The following TMEM132D variants were observed in gnomAD, a reference collection of about 807,000 sequenced individuals.
TMEM132D encodes the protein mature OL transmembrane protein.
A neutral mutation model predicts 62.3 loss-of-function variants in TMEM132D; 21 were observed. That is an observed-to-expected ratio of 0.34 (90% CI 0.24 to 0.49). TMEM132D has a LOEUF of 0.49. Ranked by LOEUF, TMEM132D falls within the 20% of genes least tolerant of loss-of-function variation. TMEM132D has a pLI of 0.99. For missense variants in TMEM132D, 1,346 were observed against 1,402.8 expected (o/e 0.96, Z 0.65); for synonymous variants, 621 against 575.6 (o/e 1.08, Z -1.13).
chr12:129,564,139 T>C (rs918965708), intron 2 of TMEM132D, among the ~76,000 whole-genome samples: 1 of 152,154 alleles, frequency 6.6e-6, no homozygotes, highest in African/African-American at 2.4e-5. Context: ...GCCTAGGTAA[T>C]CACTAAATCT....
chr12:129,437,084 C>T (rs1872806462), intron 3 of TMEM132D, among the ~76,000 whole-genome samples: 1 of 152,088 alleles, frequency 6.6e-6, no homozygotes, highest in Admixed American at 6.6e-5. Context: ...TAGCCAGAGT[C>T]CACATTTCCC....
intron 2 of TMEM132D, among the ~76,000 whole-genome samples, chr12:129,554,866 G>A (rs1043392994): frequency 1.3e-5 from 2 of 152,062 alleles, no homozygotes; most frequent in African/African-American, 4.8e-5. Flanking sequence ...TCCTTCATCA[G>A]GCCACAAAAT....
At chr12:129,251,357 CAAAAAAAAAAAAAA>C (rs59666716) in intron 4 of TMEM132D, among the ~76,000 whole-genome samples, 1 of 79,782 alleles carries the variant, frequency 1.3e-5, no homozygotes, top group Non-Finnish European at 2.3e-5. Flanking sequence ...GACACTGTCT[CAAAAAAAAAAAAAA>C]AAAAAAAAAA....
intron 5 of TMEM132D, among the ~76,000 whole-genome samples, chr12:129,149,010 G>C (rs1228872210): frequency 6.6e-6 from 1 of 152,102 alleles, no homozygotes; most frequent in East Asian, 1.9e-4. Flanking sequence ...AATGAAAAAT[G>C]CTGCCCCTCA....
chr12:129,726,596 C>T (rs536303458), intron 1 of TMEM132D, among the ~76,000 whole-genome samples: 1 of 152,132 alleles, frequency 6.6e-6, no homozygotes, highest in African/African-American at 2.4e-5. Flanking sequence ...GATTATAGAG[C>T]CAGAGAGTGA....
intron 3 of TMEM132D, among the ~76,000 whole-genome samples, chr12:129,370,987 CAATA>C (rs1303477785): frequency 6.6e-6 from 1 of 151,910 alleles, no homozygotes; most frequent in African/African-American, 2.4e-5. Context: ...TTATAGTTAA[CAATA>C]ATTAATTATA....
chr12:129,156,230 C>A (rs1377641994), intron 5 of TMEM132D, among the ~76,000 whole-genome samples: 2 of 152,026 alleles, frequency 1.3e-5, no homozygotes, highest in Non-Finnish European at 2.9e-5. Context: ...AGATAACTAA[C>A]CCACTCCCAA....
chr12:129,198,780 A>T (rs1878613098), intron 5 of TMEM132D, among the ~76,000 whole-genome samples: 1 of 152,232 alleles, frequency 6.6e-6, no homozygotes, highest in South Asian at 2.1e-4. Context: ...AAGAGAGTAA[A>T]TTTCAACTGT....
At chr12:129,099,309 T>C (rs1343256026) in intron 5 of TMEM132D, among the ~76,000 whole-genome samples, 1 of 152,208 alleles carries the variant, frequency 6.6e-6, no homozygotes, top group Non-Finnish European at 1.5e-5. Context: ...ACTGATTAAT[T>C]TTTATGCCAT....
At chr12:129,418,319 C>T (rs934745256) in intron 3 of TMEM132D, among the ~76,000 whole-genome samples, 5 of 152,060 alleles carry the variant, frequency 3.3e-5, no homozygotes, top group Non-Finnish European at 4.4e-5. Context: ...CCCAAATGCC[C>T]GTCAATGATA....
intron 2 of TMEM132D, among the ~76,000 whole-genome samples, chr12:129,659,685 A>G (rs1356856188): frequency 6.6e-6 from 1 of 152,168 alleles, no homozygotes. Context: ...TCTGTAGAAT[A>G]TTTTAATGGC....
intron 1 of TMEM132D, among the ~76,000 whole-genome samples, chr12:129,880,422 C>T (rs552852959): frequency 6.4e-4 from 97 of 152,270 alleles, no homozygotes; most frequent in African/African-American, 2.1e-3. Flanking sequence ...GCACAAAGAA[C>T]TGAAAACTTC....
intron 3 of TMEM132D, among the ~76,000 whole-genome samples, chr12:129,469,142 CAA>C (rs2137045830): frequency 6.6e-6 from 1 of 152,308 alleles, no homozygotes; most frequent in African/African-American, 2.4e-5. Flanking sequence ...CTGTTTGCCT[CAA>C]AAGTCTCTAC....
chr12:129,723,488 G>GCTGT (rs1410005922), intron 1 of TMEM132D, among the ~76,000 whole-genome samples: 1 of 152,206 alleles, frequency 6.6e-6, no homozygotes, highest in African/African-American at 2.4e-5. Flanking sequence ...GAACCAGCAG[G>GCTGT]CTGTCACAGG....
intron 4 of TMEM132D, among the ~76,000 whole-genome samples, chr12:129,228,826 G>C (rs1879554808): frequency 6.6e-6 from 1 of 152,206 alleles, no homozygotes; most frequent in Admixed American, 6.5e-5. Context: ...TCCCGCCCAT[G>C]GAAATGATTT....
chr12:129,663,723 C>T (rs181656418), intron 2 of TMEM132D, among the ~76,000 whole-genome samples: 1 of 152,244 alleles, frequency 6.6e-6, no homozygotes, highest in Non-Finnish European at 1.5e-5. Context: ...AAGCAGTATG[C>T]CTCCATCTGT....
chr12:129,142,270 G>T (rs1473719347), intron 5 of TMEM132D, among the ~76,000 whole-genome samples: 2 of 152,114 alleles, frequency 1.3e-5, no homozygotes, highest in Non-Finnish European at 2.9e-5. Context: ...ACCATCATCT[G>T]CATGTATGTC....
At chr12:129,761,736 C>T (rs1195983090) in intron 1 of TMEM132D, among the ~76,000 whole-genome samples, 3 of 152,200 alleles carry the variant, frequency 2.0e-5, no homozygotes, top group Non-Finnish European at 4.4e-5. Flanking sequence ...ACAAGCCCTC[C>T]AATAAGCCTC....
intron 1 of TMEM132D, among the ~76,000 whole-genome samples, chr12:129,881,433 G>A (rs1441631723): frequency 6.6e-6 from 1 of 151,892 alleles, no homozygotes; most frequent in African/African-American, 2.4e-5. Flanking sequence ...GAGCAAGGTA[G>A]ACTGCATTCT....
Sources: gnomAD v4.1 joint callset for allele counts (sites outside exome capture counted in the v4.1 genomes callset) on GRCh38, gnomAD v4.1.1 for gene constraint, MANE v1.5 for transcripts, NCBI Gene and HGNC (gene_info 2026-07-23, HGNC 2026-07-21) for gene names.